Variants in CES5A observed in about 807,000 individuals in gnomAD.
The protein encoded by CES5A is carboxylesterase 5.
In CES5A, 67 loss-of-function variants were observed where a neutral mutation model predicts 62.9. The observed-to-expected ratio is 1.07, with a 90% confidence interval of 0.88 to 1.31. The LOEUF is 1.31. Ranked by LOEUF, CES5A falls within the 50% of genes most tolerant of loss-of-function variation. CES5A has a pLI of 0.00. For synonymous variants in CES5A, 296 were observed against 280.8 expected (o/e 1.05, Z -0.54); for missense variants, 748 against 708.5 (o/e 1.06, Z -0.63).
At chr16:55,858,857 GGGCC>G in intron 8 of CES5A, among the ~76,000 whole-genome samples, 1 of 152,124 alleles carries the variant, frequency 6.6e-6, no homozygotes, top group Non-Finnish European at 1.5e-5. Context: ...CCCAGCACCT[GGGCC>G]TCAGCTCAAC....
At chr16:55,846,964 C>T (rs2033026594) in intron 11 of CES5A, 124 bp from the exon 12 acceptor site, 1 of 811,546 alleles carries the variant, frequency 1.2e-6, no homozygotes, top group Non-Finnish European at 2.1e-6. Flanking sequence ...CCTACCAAGT[C>T]ACTGTACCCA....
At chr16:55,879,633 A>T (rs1220095907), upstream of CES5A, among the ~76,000 whole-genome samples, 1 of 151,940 alleles carries the variant, frequency 6.6e-6, no homozygotes, top group Non-Finnish European at 1.5e-5. Context: ...TCTTTTTGAG[A>T]CAGTGTCTCT....
At chr16:55,918,274 C>T (rs1432082926) in intron 1 of CES5A, among the ~76,000 whole-genome samples, 1 of 152,202 alleles carries the variant, frequency 6.6e-6, no homozygotes, top group African/African-American at 2.4e-5. Flanking sequence ...CCATCACCCT[C>T]TACATGAGCT....
intron 1 of CES5A, among the ~76,000 whole-genome samples, chr16:55,920,218 C>G (rs1414046776): frequency 6.6e-6 from 1 of 152,118 alleles, no homozygotes; most frequent in Non-Finnish European, 1.5e-5. Flanking sequence ...CTGCCCAGCA[C>G]CAAGTATGCA....
upstream of CES5A, among the ~76,000 whole-genome samples, chr16:55,929,447 T>C (rs1215561264): frequency 6.6e-6 from 1 of 152,018 alleles, no homozygotes; most frequent in East Asian, 1.9e-4. Context: ...TCTGGCTGCA[T>C]CTCTCATGTG....
Position 55,866,674 on chromosome 16 carries a change from AAAAATAC to A in CES5A, c.552-565_552-559del, listed in dbSNP as rs1323063807. ...TGTCTCTGCTAAAAAAAAAAAAAAA[AAAAATAC>A]AAAAAAATTAGCTGGACACGGTGGC... is the stretch of plus-strand genomic sequence containing the variant. On this transcript the variant is annotated intron_variant, in intron 4 of 12. Coordinates refer to ENST00000290567, the MANE Select transcript of CES5A (RefSeq NM_001143685.2). Among the ~76,000 whole-genome samples the A allele has an allele frequency of 1.4e-4, 19 of 138,608 alleles. 2 individuals are homozygous for A. The highest frequency in any genetic ancestry group is 2.0e-4 in the East Asian group (1 of 5,012). 90.9% of individuals were successfully genotyped at this position (138,608 alleles called of 152,430 possible).
intron 11 of CES5A, among the ~76,000 whole-genome samples, chr16:55,849,199 C>T (rs2033078134): frequency 6.6e-6 from 1 of 152,256 alleles, no homozygotes; most frequent in South Asian, 2.1e-4. Flanking sequence ...TTACAAAGCT[C>T]TTCTGGGTGC....
chr16:55,918,934 ATC>A (rs1204383322), intron 1 of CES5A, among the ~76,000 whole-genome samples: 1 of 152,208 alleles, frequency 6.6e-6, no homozygotes, highest in Non-Finnish European at 1.5e-5. Flanking sequence ...CAGGGTGAGT[ATC>A]TCTACCAGGG....
intron 8 of CES5A, among the ~76,000 whole-genome samples, chr16:55,856,913 G>A (rs368694731): frequency 2.6e-5 from 4 of 152,178 alleles, no homozygotes; most frequent in African/African-American, 4.8e-5. Flanking sequence ...CCTTGACCTC[G>A]GACTTCCAGT....
rs2033314162 is a variant in CES5A at position 55,859,681 on chromosome 16, T to C, written c.922A>G (p.Lys308Glu). Residue 308 changes from lysine to glutamate, a missense_variant, in exon 8 of 13, where the codon AAG (lysine) becomes GAG (glutamate). Physicochemically the swap from Lys to Glu is moderately conservative, Grantham distance 56. Coordinates refer to ENST00000290567, the MANE Select transcript of CES5A (RefSeq NM_001143685.2). Reference sequence around the variant, plus strand: ...CCATCAACCACTCGAGTGAAAGACTTTGTTTTCTGTAATAAGGAAGAAAAA... The same window carrying C: ...CCATCAACCACTCGAGTGAAAGACTCTGTTTTCTGTAATAAGGAAGAAAAA... ...KELLTLSQKT[K>E]SFTRVVDGAF... 5 of 1,603,704 alleles carry C rather than the reference T, an allele frequency of 3.1e-6. No homozygotes were observed. In the African/African-American group the frequency reaches 4.0e-5, roughly 13 times the overall value.
chr16:55,849,401 T>C (rs2033082427), intron 11 of CES5A, among the ~76,000 whole-genome samples: 1 of 152,054 alleles, frequency 6.6e-6, no homozygotes, highest in Non-Finnish European at 1.5e-5. Flanking sequence ...GCCAAACCTG[T>C]AGGTTTCAGT....
Position 55,903,189 on chromosome 16 carries a change from A to G in CES5A, c.-256+22134T>C, listed in dbSNP as rs569186950. Among the ~76,000 whole-genome samples the G allele has an allele frequency of 7.2e-5, 11 of 152,200 alleles. No homozygotes were observed. In the South Asian group the frequency reaches 1.9e-3, roughly 26 times the overall value. On this transcript the variant is annotated intron_variant, in intron 1 of 12. Coordinates refer to the CES5A transcript ENST00000518005. Reference sequence around the variant, plus strand: ...TACTGCCTTTGAGTTGGTGAGAAACAGGGCACTCCTGGTATGATGCTCACC... The same window carrying G: ...TACTGCCTTTGAGTTGGTGAGAAACGGGGCACTCCTGGTATGATGCTCACC...
intron 6 of CES5A, among the ~76,000 whole-genome samples, chr16:55,862,411 G>A (rs2033370851): frequency 6.6e-6 from 1 of 152,140 alleles, no homozygotes; most frequent in African/African-American, 2.4e-5. Flanking sequence ...CCATGGATAG[G>A]TGATAAAAAG....
intron 1 of CES5A, among the ~76,000 whole-genome samples, chr16:55,922,182 A>G (rs2034212280): frequency 6.6e-6 from 1 of 152,042 alleles, no homozygotes; most frequent in South Asian, 2.1e-4. Flanking sequence ...GTAAGCCCTT[A>G]CTTAATAATA....
At chr16:55,911,137 G>C (rs930980209) in intron 1 of CES5A, among the ~76,000 whole-genome samples, 2 of 152,150 alleles carry the variant, frequency 1.3e-5, no homozygotes, top group Non-Finnish European at 2.9e-5. Context: ...AGACAAGAGT[G>C]GCCCCAGGTC....
At position 55,944,029 on chromosome 16, in the gene CES5A, T is replaced by C. The variant is rs1298936660; in HGVS notation, c.160+5756A>G. ...TTTCCAGGGAAAAATCGCAAGTCAT[T>C]GAGGTGAAGGGGACTCACCTCCATG... On this transcript the variant is annotated intron_variant, in intron 2 of 13. Transcript: ENST00000521992. The C allele has an allele frequency of 4.3e-6, 3 of 702,006 alleles. No homozygotes were observed. The South Asian group carries it at 4.4e-5, about 10-fold the overall frequency. The allele number at this position is 702,006 out of a possible 1,614,324, so 43.5% of individuals were successfully genotyped here.
intron 5 of CES5A, 129 bp from the exon 6 acceptor site, chr16:55,863,581 CT>C (rs1162018644): frequency 1.6e-6 from 1 of 634,684 alleles, no homozygotes; most frequent in Non-Finnish European, 2.8e-6. Flanking sequence ...GAAAAAAGCC[CT>C]GGTTTAGGGG....
upstream of CES5A, chr16:55,925,563 C>T (rs2034250342): frequency 2.6e-5 from 4 of 151,992 alleles, no homozygotes; most frequent in African/African-American, 9.7e-5. Flanking sequence ...CTCTGCATTC[C>T]CATATTTATT....
intron 1 of CES5A, among the ~76,000 whole-genome samples, chr16:55,912,571 T>TGGA (rs150812897): frequency 0.14 from 20,259 of 147,716 alleles, 1,509 homozygotes; most frequent in South Asian, 0.18. Context: ...GATGAGGACA[T>TGGA]GGAGGAGGAG....
Sources: allele counts gnomAD v4.1 joint callset (sites outside exome capture counted in the v4.1 genomes callset), GRCh38; gene constraint gnomAD v4.1.1; transcripts MANE v1.5; gene names NCBI Gene and HGNC (gene_info 2026-07-23, HGNC 2026-07-21).